CASK: variants seen among roughly 807,000 people sequenced by gnomAD.
CASK encodes the protein peripheral plasma membrane protein CASK.
Under a neutral mutation model 82.9 loss-of-function variants are expected in CASK, and 4 were observed. That is an observed-to-expected ratio of 0.05 (90% confidence interval 0.02 to 0.11). CASK has a LOEUF of 0.11. CASK is among the 10% of genes least tolerant of loss of function. The probability of loss-of-function intolerance (pLI) is 1.00; values close to 1 mark genes in which losing one functional copy is unlikely to be tolerated. For missense variants in CASK, 358 were observed against 720.9 expected, an observed-to-expected ratio of 0.50 and a Z score of 5.76; for synonymous variants, 259 against 253.5, an observed-to-expected ratio of 1.02 and a Z score of -0.20.
At chrX:41,829,734 T>TATATACAC (rs1556208239) in intron 2 of CASK, among the ~76,000 whole-genome samples, 1 of 29,666 alleles carries the variant, frequency 3.4e-5, no homozygotes, top group Non-Finnish European at 6.4e-5. Flanking sequence ...TATATATATA[T>TATATACAC]ATATATATAT....
At chrX:41,740,987 A>AT (rs1270694917) in intron 4 of CASK, among the ~76,000 whole-genome samples, 2 of 111,180 alleles carry the variant, frequency 1.8e-5, no homozygotes, top group Admixed American at 9.6e-5. Context: ...GGTTCAAGCG[A>AT]TTTTCCCGCC....
At chrX:41,762,076 C>T (rs903476068) in intron 3 of CASK, among the ~76,000 whole-genome samples, 4 of 111,842 alleles carry the variant, frequency 3.6e-5, no homozygotes, top group African/African-American at 1.3e-4. Flanking sequence ...GAGACAGGTA[C>T]TATTTCACAG....
At chrX:41,833,586 T>G (rs772176639) in intron 2 of CASK, among the ~76,000 whole-genome samples, 1 of 111,473 alleles carries the variant, frequency 9.0e-6, no homozygotes, top group Non-Finnish European at 1.9e-5. Flanking sequence ...ACTCTGAATA[T>G]ACTAAAATCC....
At chrX:41,533,660 T>G in intron 24 of CASK, among the ~76,000 whole-genome samples, 1 of 112,132 alleles carries the variant, frequency 8.9e-6, no homozygotes, top group Non-Finnish European at 1.9e-5. Flanking sequence ...GGGTTAAAAT[T>G]TTATTTATTT....
intron 10 of CASK, chrX:41,624,315 C>A: frequency 2.9e-6 from 1 of 348,649 alleles, no homozygotes; most frequent in East Asian, 8.3e-5. Flanking sequence ...AACTAGATCC[C>A]TGCCTTTCAT....
chrX:41,788,320 A>C (rs1176858506), intron 2 of CASK, among the ~76,000 whole-genome samples: 1 of 110,475 alleles, frequency 9.1e-6, no homozygotes, highest in Non-Finnish European at 1.9e-5. Flanking sequence ...ATCATCATAC[A>C]AAACAGTTTG....
intron 8 of CASK, among the ~76,000 whole-genome samples, chrX:41,659,694 T>C (rs2067000018): frequency 8.9e-6 from 1 of 111,840 alleles, no homozygotes; most frequent in Non-Finnish European, 1.9e-5. Flanking sequence ...GGATATAAAA[T>C]GAACTTTTAA....
At chrX:41,532,055 C>T (rs777042821) in intron 24 of CASK, among the ~76,000 whole-genome samples, 2 of 111,768 alleles carry the variant, frequency 1.8e-5, no homozygotes, top group African/African-American at 3.3e-5. Flanking sequence ...GTGCCCTCAG[C>T]CTCCTGAGCA....
intron 9 of CASK, among the ~76,000 whole-genome samples, chrX:41,634,265 G>A (rs1237804374): frequency 8.9e-6 from 1 of 112,460 alleles, no homozygotes; most frequent in East Asian, 2.8e-4. Context: ...GTCCACTGAA[G>A]AGGCAGAATG....
At chrX:41,524,177 C>A (rs2064678701) in intron 25 of CASK, 143 bp from the exon 26 acceptor site, 2 of 480,907 alleles carry the variant, frequency 4.2e-6, no homozygotes, top group African/African-American at 4.8e-5. Flanking sequence ...ATTAAATTTA[C>A]CAACTTTATA....
intron 1 of CASK, among the ~76,000 whole-genome samples, chrX:41,889,913 C>T (rs73624968): frequency 0.013 from 1,507 of 111,638 alleles, 23 homozygotes; most frequent in African/African-American, 0.04. Flanking sequence ...CTGGCAAAAT[C>T]GGTGGGGAAA....
At position 41,621,132 on chromosome X, in the gene CASK, A is replaced by G. The variant is rs762613478; in HGVS notation, c.1033+1485T>C. ...ACAGGTTGGCTGATTTAAAAAAAAA[A>G]AAAAGAGGAGCGCTAAATCTAGACG... On this transcript the variant is annotated intron_variant, in intron 11 of 26. Coordinates refer to ENST00000378163, the MANE Select transcript of CASK (RefSeq NM_001367721.1). Among the ~76,000 whole-genome samples the G allele has an allele frequency of 8.5e-4, 94 of 110,513 alleles. 1 individual carries two copies. Among genetic ancestry groups the G allele is most frequent in the African/African-American group, 3.0e-3 (91 of 30,389 alleles).
At chrX:41,724,135 T>G (rs962833316) in intron 5 of CASK, 1 of 112,583 alleles carries the variant, frequency 8.9e-6, no homozygotes, top group Non-Finnish European at 1.9e-5. Flanking sequence ...CTGTTTAATT[T>G]CCCCTTTTCC....
In CASK at chrX:41,715,300, T is replaced by A. The variant is rs1280727440; in HGVS notation, c.429+24084A>T. On this transcript the variant is annotated intron_variant, in intron 5 of 26. Coordinates refer to ENST00000378163, the MANE Select transcript of CASK (RefSeq NM_001367721.1). ...TGGAAATTTGAGGAGTGCATTAAAG[T>A]AGAACATGTCAATGCCCATCAGAAG... Among the ~76,000 whole-genome samples, 7 of 111,666 alleles carry A rather than the reference T, an allele frequency of 6.3e-5. No individual in the cohort carries two copies. In the East Asian group the frequency reaches 2.0e-3, roughly 32 times the overall value.
chrX:41,595,021 T>C (rs139737861), intron 12 of CASK, among the ~76,000 whole-genome samples: 58 of 111,960 alleles, frequency 5.2e-4, no homozygotes, highest in Non-Finnish European at 9.2e-4. Context: ...GCTGAGTACA[T>C]AGTAGTGTTT....
intron 1 of CASK, among the ~76,000 whole-genome samples, chrX:41,893,921 G>A (rs1358732621): frequency 8.9e-6 from 1 of 111,785 alleles, no homozygotes; most frequent in Non-Finnish European, 1.9e-5. Context: ...CTACCTGAGT[G>A]GATCAGAATC....
intron 3 of CASK, among the ~76,000 whole-genome samples, chrX:41,747,470 T>C (rs1199154725): frequency 1.8e-5 from 2 of 111,075 alleles, no homozygotes; most frequent in African/African-American, 6.6e-5. Flanking sequence ...GACGGAGTCT[T>C]GCTCTGTCGC....
chrX:41,741,797 C>A (rs994309353), intron 4 of CASK, among the ~76,000 whole-genome samples: 2 of 112,342 alleles, frequency 1.8e-5, no homozygotes, highest in African/African-American at 6.5e-5. Flanking sequence ...AATCTGCCCA[C>A]ATGTTCTAGG....
intron 8 of CASK, among the ~76,000 whole-genome samples, chrX:41,645,359 G>T (rs1272118910): frequency 9.0e-6 from 1 of 111,552 alleles, no homozygotes; most frequent in Non-Finnish European, 1.9e-5. Flanking sequence ...AGGCAAGCCA[G>T]TGTTATGGAA....
Sources: gnomAD v4.1 joint callset for allele counts (sites outside exome capture counted in the v4.1 genomes callset) on GRCh38, gnomAD v4.1.1 for gene constraint, MANE v1.5 for transcripts, NCBI Gene and HGNC (gene_info 2026-07-23, HGNC 2026-07-21) for gene names.